Variants in DGKG observed in about 807,000 individuals in gnomAD.
The protein encoded by DGKG is DAG kinase gamma.
DGKG carries 78 observed loss-of-function variants against 105.3 expected under a neutral mutation model. The ratio of observed to expected loss-of-function variants is 0.74; its 90% confidence interval spans 0.62 to 0.89. The LOEUF is 0.89. Among genes scored for constraint, DGKG ranks in the 40% least tolerant of loss-of-function variants. The pLI, the probability that DGKG is intolerant of heterozygous loss-of-function variation, is 0.00. For synonymous variants in DGKG, 346 were observed against 367.1 expected, an observed-to-expected ratio of 0.94 and a Z score of 0.66; for missense variants, 958 against 1,020.1, an observed-to-expected ratio of 0.94 and a Z score of 0.83.
chr3:186,296,112 C>CAAAAAAAAAAAAAAAAAAA (rs36070727), intron 5 of DGKG, among the ~76,000 whole-genome samples: 1 of 143,438 alleles, frequency 7.0e-6, no homozygotes, highest in African/African-American at 2.6e-5. Context: ...TTATCTCAGA[C>CAAAAAAAAAAAAAAAAAAA]AAAAAAAAAA....
Position 186,231,329 on chromosome 3 carries a change from G to A in DGKG, c.1826+11175C>T, listed in dbSNP as rs972591917. 3.3e-5 allele frequency among the ~76,000 whole-genome samples: 5 copies of A among 152,198 alleles called. No homozygotes were observed. The highest frequency in any genetic ancestry group is 7.3e-5 in the Non-Finnish European group (5 of 68,028). On this transcript the variant is annotated intron_variant, in intron 20 of 24. Transcript: ENST00000265022. The surrounding 1 kb of genome is among the most constrained non-coding windows in gnomAD (Gnocchi z 4.5). ...GAGGCAGGGAATTGTAGCAGGCTAA[G>A]AGGAGATGTGGAGTGGACAGGCCTA...
chr3:186,331,602 C>A (rs1318326485), intron 1 of DGKG, among the ~76,000 whole-genome samples: 1 of 152,082 alleles, frequency 6.6e-6, no homozygotes, highest in Non-Finnish European at 1.5e-5. Flanking sequence ...TCAGGCTGAA[C>A]CAAATGCCCA....
At chr3:186,295,180 G>A (rs973914245) in intron 5 of DGKG, among the ~76,000 whole-genome samples, 2 of 152,124 alleles carry the variant, frequency 1.3e-5, no homozygotes. Context: ...TTCAGCTGTA[G>A]TACCTCTAAT....
chr3:186,312,497 C>A (rs944483251), intron 2 of DGKG, among the ~76,000 whole-genome samples: 2 of 152,152 alleles, frequency 1.3e-5, no homozygotes, highest in African/African-American at 4.8e-5. Context: ...CTGGGGCTGA[C>A]TGCTGAGGCT....
intron 20 of DGKG, among the ~76,000 whole-genome samples, chr3:186,229,124 T>C (rs886688533): frequency 6.6e-6 from 1 of 152,130 alleles, no homozygotes; most frequent in Non-Finnish European, 1.5e-5. Flanking sequence ...CTGATACATC[T>C]ACAAGCTAAG....
In DGKG at chr3:186,320,526, C is replaced by T; in HGVS notation, c.-67G>A. The T allele has an allele frequency of 1.2e-6, 2 of 1,612,846 alleles. No homozygotes were observed. Among genetic ancestry groups the T allele is most frequent in the African/African-American group, 1.3e-5 (1 of 74,986 alleles). The stretch of plus-strand genomic sequence containing the variant: ...TTTGTTCACTAGGCTGAAGTGGAGG[C>T]CCAGCCCAGGGCCTGGCTCATTGCA... On this transcript the variant is annotated 5_prime_UTR_variant, in exon 2 of 25. Coordinates refer to ENST00000265022, the MANE Select transcript of DGKG (RefSeq NM_001346.3).
intron 1 of DGKG, among the ~76,000 whole-genome samples, chr3:186,360,606 G>A (rs1727181406): frequency 6.6e-6 from 1 of 152,206 alleles, no homozygotes; most frequent in Admixed American, 6.5e-5. Flanking sequence ...GTGTGTGTCT[G>A]TGCCTGGGTT....
intron 20 of DGKG, among the ~76,000 whole-genome samples, chr3:186,230,968 C>G (rs1720122490): frequency 1.3e-5 from 2 of 152,146 alleles, no homozygotes; most frequent in South Asian, 4.1e-4. Flanking sequence ...TCCAAAACTA[C>G]TCTCAATAAC....
chr3:186,325,576 T>C (rs1261199989), intron 1 of DGKG, among the ~76,000 whole-genome samples: 1 of 152,204 alleles, frequency 6.6e-6, no homozygotes, highest in Non-Finnish European at 1.5e-5. Flanking sequence ...ATTATTACAA[T>C]GATACTGATT....
intron 20 of DGKG, among the ~76,000 whole-genome samples, chr3:186,237,463 A>G (rs1180908836): frequency 6.6e-6 from 1 of 152,184 alleles, no homozygotes; most frequent in African/African-American, 2.4e-5. Context: ...GTATGACTGG[A>G]TGGTGTACCT....
intron 21 of DGKG, among the ~76,000 whole-genome samples, chr3:186,198,509 A>G (rs1355700920): frequency 1.3e-5 from 2 of 152,240 alleles, no homozygotes; most frequent in Non-Finnish European, 2.9e-5. Context: ...CCTGTCCTCA[A>G]GGTACTTCCA....
rs759076442 is a variant in DGKG at position 186,288,694 on chromosome 3, C to T, written c.544+16G>A. On this transcript the variant is annotated intron_variant, in intron 6 of 24. Transcript: ENST00000265022. The stretch of plus-strand genomic sequence containing the variant: ...CTAGGAAAAAGCTGAAGCCCCTTGA[C>T]AGGGTGAGCACTTACACTCCAGCTT... 5.0e-6 allele frequency: 8 copies of T among 1,613,180 alleles called. No individual in the cohort carries two copies. The highest frequency in any genetic ancestry group is 2.2e-5 in the East Asian group (1 of 44,854).
Position 186,221,819 on chromosome 3 carries a change from A to G in DGKG, c.1827-9934T>C, listed in dbSNP as rs534207627. ...ACTAAAAGGTGGAACTGTCTGGAGG[A>G]GCAGAGGCAAACCCTGGAAGCAGGT... On this transcript the variant is annotated intron_variant, in intron 20 of 24. Coordinates refer to ENST00000265022, the MANE Select transcript of DGKG (RefSeq NM_001346.3). Among the ~76,000 whole-genome samples the G allele has an allele frequency of 2.6e-5, 4 of 152,234 alleles. No homozygotes were observed. The South Asian group carries it at 8.3e-4, about 32-fold the overall frequency.
intron 21 of DGKG, among the ~76,000 whole-genome samples, chr3:186,196,014 C>T (rs1383548844): frequency 6.6e-6 from 1 of 151,994 alleles, no homozygotes; most frequent in Non-Finnish European, 1.5e-5. Context: ...TAATATAGTC[C>T]CCTAATGGTA....
intron 11 of DGKG, among the ~76,000 whole-genome samples, 185 bp downstream of exon 11, chr3:186,272,070 C>T (rs1313574726): frequency 6.6e-6 from 1 of 152,150 alleles, no homozygotes; most frequent in Non-Finnish European, 1.5e-5. Context: ...GTGCCTGGCA[C>T]ATAGTGGGTA....
intron 10 of DGKG, 117 bp from the exon 11 acceptor site, chr3:186,272,460 G>A (rs1722362236): frequency 1.4e-6 from 1 of 709,496 alleles, no homozygotes; most frequent in Non-Finnish European, 2.5e-6. Context: ...CGAGGGGCAG[G>A]GGACACATGG....
Position 186,211,846 on chromosome 3 carries a change from C to G in DGKG, c.1866G>C (p.Ser622=). The stretch of plus-strand genomic sequence containing the variant: ...TCTTGCAGGTCGCTGCAAAAGTCTC[C>G]GAGGTGCCAAATTCAAAGTACCACA... The part of the protein sequence containing the change: ...NKLWYFEFGT[S]ETFAATCKKL... The change falls in exon 21 of 25, where the codon TCG becomes TCC. Residue 622 remains serine (S), a synonymous_variant. Transcript: ENST00000265022. 6.2e-7 allele frequency: 1 copy of G among 1,614,164 alleles called. No homozygotes were observed. Among genetic ancestry groups the G allele is most frequent in the Non-Finnish European group, 8.5e-7 (1 of 1,180,026 alleles).
chr3:186,271,663 A>G (rs1431677757), intron 11 of DGKG, among the ~76,000 whole-genome samples: 1 of 152,200 alleles, frequency 6.6e-6, no homozygotes, highest in South Asian at 2.1e-4. Flanking sequence ...AGCTGGCCTC[A>G]TAAGACCTGC....
intron 24 of DGKG, chr3:186,158,999 A>G (rs1716163826): frequency 3.8e-6 from 1 of 259,760 alleles, no homozygotes; most frequent in Non-Finnish European, 6.0e-6. Context: ...GATATATATT[A>G]TATATACGTA....
Sources: allele counts gnomAD v4.1 joint callset (sites outside exome capture counted in the v4.1 genomes callset), GRCh38; gene constraint gnomAD v4.1.1; non-coding constraint Gnocchi (gnomAD v3.1); transcripts MANE v1.5; gene names NCBI Gene and HGNC (gene_info 2026-07-23, HGNC 2026-07-21).